Variants in RGS22 observed in about 807,000 individuals in gnomAD.
RGS22 encodes the protein regulator of G-protein signaling 22.
A neutral mutation model predicts 172.9 loss-of-function variants in RGS22; 148 were observed. That is an observed-to-expected ratio of 0.86 (90% CI 0.75 to 0.98). RGS22 has a LOEUF of 0.98. RGS22 is among the 50% of genes least tolerant of loss of function. The pLI is 0.00. For synonymous variants in RGS22, 458 were observed against 480.2 expected (o/e 0.95, Z 0.60); for missense variants, 1,347 against 1,440.8 (o/e 0.93, Z 1.05).
intron 21 of RGS22, among the ~76,000 whole-genome samples, chr8:99,985,537 A>G (rs929963294): frequency 1.3e-5 from 2 of 152,136 alleles, no homozygotes; most frequent in African/African-American, 2.4e-5. Flanking sequence ...ATTTCCTAAT[A>G]TTTGTTCTCA....
intron 2 of RGS22, among the ~76,000 whole-genome samples, chr8:100,100,388 C>T (rs1813376692): frequency 6.6e-6 from 1 of 150,866 alleles, no homozygotes; most frequent in Admixed American, 6.6e-5. Flanking sequence ...CTCCTGGGTT[C>T]AAGCAATTCT....
At chr8:99,998,729 T>C (rs1304864261) in intron 19 of RGS22, among the ~76,000 whole-genome samples, 10 of 152,134 alleles carry the variant, frequency 6.6e-5, no homozygotes, top group Non-Finnish European at 1.3e-4. Flanking sequence ...TAGCTCACTG[T>C]AACCTCGATC....
At chr8:100,080,413 C>CG in intron 3 of RGS22, 58 bp from the exon 4 acceptor site, 1 of 1,251,254 alleles carries the variant, frequency 8.0e-7, no homozygotes, top group Admixed American at 2.2e-5. Context: ...CTCATGGTCT[C>CG]TAAGAAGACT....
chr8:100,029,932 G>T (rs1339052157), intron 14 of RGS22, among the ~76,000 whole-genome samples: 1 of 151,920 alleles, frequency 6.6e-6, no homozygotes, highest in African/African-American at 2.4e-5. Flanking sequence ...TAACTCAATG[G>T]GTAAGTTAAA....
At position 99,981,962 on chromosome 8, in the gene RGS22, C is replaced by T. The variant is rs1812600966; in HGVS notation, c.3335G>A (p.Gly1112Glu). 1.2e-6 allele frequency: 2 copies of T among 1,613,570 alleles called. No homozygotes were observed. Among genetic ancestry groups the T allele is most frequent in the Non-Finnish European group, 1.7e-6 (2 of 1,179,746 alleles). Reference protein sequence around the residue: ...QKIIEHRKELGPYVFREAQMT... With the variant: ...QKIIEHRKELEPYVFREAQMT... Reference sequence around the variant, plus strand: ...CTGTGCCTCTCTAAATACATATGGTCCTAACTCCTTCCGGTGTTCAATAAT... The same window carrying T: ...CTGTGCCTCTCTAAATACATATGGTTCTAACTCCTTCCGGTGTTCAATAAT... The change falls in exon 22 of 28, where the codon GGA (glycine) becomes GAA (glutamate). Residue 1112 changes from glycine to glutamate, a missense_variant. Gly to Glu is a moderately conservative substitution (Grantham distance 98, BLOSUM62 -2). Transcript: ENST00000360863.
chr8:99,961,352 CAT>C (rs756797266), intron 27 of RGS22, among the ~76,000 whole-genome samples, 156 bp from the exon 28 acceptor site: 28 of 152,320 alleles, frequency 1.8e-4, no homozygotes, highest in South Asian at 4.1e-4. Context: ...ATAATTCCCA[CAT>C]GTCATGGGAG....
intron 23 of RGS22, among the ~76,000 whole-genome samples, chr8:99,966,133 C>T (rs1319627293): frequency 6.6e-6 from 1 of 152,098 alleles, no homozygotes. Flanking sequence ...ATTTAATTAA[C>T]AACACTCATT....
chr8:100,090,167 C>T (rs2131975681), intron 3 of RGS22, among the ~76,000 whole-genome samples: 1 of 152,232 alleles, frequency 6.6e-6, no homozygotes, highest in Non-Finnish European at 1.5e-5. Flanking sequence ...ACATACGTTA[C>T]CTCACTTGAT....
In RGS22 at chr8:100,002,241, A is replaced by C; in HGVS notation, c.2751T>G (p.Phe917Leu). 6.2e-7 allele frequency: 1 copy of C among 1,607,658 alleles called. No individual in the cohort carries two copies. Among genetic ancestry groups the C allele is most frequent in the Non-Finnish European group, 8.5e-7 (1 of 1,177,670 alleles). ...ACAGAGAAGCTGGACTGTTGGGTCC[A>C]AAGAAATATTTTTTATTAAGGTATT... ...KNKYLNKKYF[F>L]GPNSPASLYQ... The change falls in exon 18 of 28, where the codon TTT becomes TTG. Residue 917 changes from phenylalanine to leucine, a missense_variant. Coordinates refer to ENST00000360863, the MANE Select transcript of RGS22 (RefSeq NM_015668.5).
intron 14 of RGS22, among the ~76,000 whole-genome samples, chr8:100,030,526 T>A (rs1287247832): frequency 6.6e-6 from 1 of 151,900 alleles, no homozygotes; most frequent in Admixed American, 6.6e-5. Flanking sequence ...CACACTGAGG[T>A]GAAATACAGA....
At chr8:100,075,967 T>C (rs542608061) in intron 4 of RGS22, among the ~76,000 whole-genome samples, 1 of 152,340 alleles carries the variant, frequency 6.6e-6, no homozygotes, top group South Asian at 2.1e-4. Flanking sequence ...TTGATTCCAT[T>C]TCCCTTATGA....
chr8:100,094,392 A>AT (rs1812808287), intron 2 of RGS22, among the ~76,000 whole-genome samples: 1 of 152,256 alleles, frequency 6.6e-6, no homozygotes, highest in South Asian at 2.1e-4. Flanking sequence ...ATACTGGCCA[A>AT]TTTTTAAAAA....
chr8:100,017,501 A>G (rs577389485), intron 14 of RGS22, among the ~76,000 whole-genome samples: 1 of 152,326 alleles, frequency 6.6e-6, no homozygotes, highest in East Asian at 1.9e-4. Context: ...CCCATACAAT[A>G]AAATTATAGT....
At position 100,072,211 on chromosome 8, in the gene RGS22, C is replaced by T. The variant is rs867442961; in HGVS notation, c.359G>A (p.Gly120Asp). Residue 120 changes from glycine (G) to aspartate (D), a missense_variant, in exon 5 of 28, where the codon GGT becomes GAT. By Grantham distance (94) the Gly-to-Asp change is moderately conservative. Coordinates refer to ENST00000360863, the MANE Select transcript of RGS22 (RefSeq NM_015668.5). ...TCTTTCTTTTTTGATCCACTTAATA[C>T]CTTCTTCACGACTGAGACACTATGA... ...YNIMCLSREE[G>D]IKWIKKERLP... The T allele has an allele frequency of 3.8e-6, 6 of 1,596,674 alleles. No homozygotes were observed. Among genetic ancestry groups the T allele is most frequent in the Non-Finnish European group, 3.4e-6 (4 of 1,173,084 alleles).
chr8:100,069,888 C>T (rs1038572221), intron 6 of RGS22, among the ~76,000 whole-genome samples: 5 of 151,788 alleles, frequency 3.3e-5, no homozygotes, highest in East Asian at 1.9e-4. Flanking sequence ...ATTAGCCAGG[C>T]GTGGTGGCAC....
chr8:100,052,763 C>CA, intron 10 of RGS22, 39 bp downstream of exon 10: 2 of 1,569,306 alleles, frequency 1.3e-6, no homozygotes, highest in Non-Finnish European at 8.7e-7. Context: ...TATTTTACTA[C>CA]AAACTTAGTA....
intron 6 of RGS22, 32 bp downstream of exon 6, chr8:100,071,337 G>A (rs1291904495): frequency 9.1e-6 from 14 of 1,546,366 alleles, no homozygotes; most frequent in East Asian, 6.9e-5. Flanking sequence ...TTAGTGAAGC[G>A]CTAAGTCATG....
At chr8:100,053,971 G>GT (rs1031600314) in intron 9 of RGS22, among the ~76,000 whole-genome samples, 1 of 152,196 alleles carries the variant, frequency 6.6e-6, no homozygotes, top group African/African-American at 2.4e-5. Flanking sequence ...TGCTACTAAA[G>GT]TAGGTTATAA....
chr8:99,965,477 T>C (rs963210980), intron 23 of RGS22, 47 bp from the exon 24 acceptor site: 3 of 1,334,098 alleles, frequency 2.2e-6, no homozygotes, highest in Non-Finnish European at 3.2e-6. Flanking sequence ...GATAATGATA[T>C]GTTAATATAA....
Sources: gnomAD v4.1 joint callset for allele counts (sites outside exome capture counted in the v4.1 genomes callset) on GRCh38, gnomAD v4.1.1 for gene constraint, MANE v1.5 for transcripts, NCBI Gene and HGNC (gene_info 2026-07-23, HGNC 2026-07-21) for gene names.